The following IQGAP2 variants were observed in gnomAD, a reference collection of about 807,000 sequenced individuals.
The protein encoded by IQGAP2 is IQ motif containing GTPase activating protein 2.
Under a neutral mutation model 201.3 loss-of-function variants are expected in IQGAP2, and 173 were observed. The ratio of observed to expected loss-of-function variants is 0.86; its 90% CI spans 0.76 to 0.98. The LOEUF (loss-of-function observed/expected upper bound fraction) is 0.98. IQGAP2 is among the 50% of genes least tolerant of loss of function. IQGAP2 has a pLI of 0.00. For synonymous variants in IQGAP2, 675 were observed against 673.9 expected (o/e 1.00, Z -0.03); for missense variants, 1,687 against 1,864.8 (o/e 0.90, Z 1.76).
Position 76,678,650 on chromosome 5 carries a change from A to G in IQGAP2, c.3660+1300A>G, listed in dbSNP as rs73125594. On this transcript the variant is annotated intron_variant, in intron 28 of 35. Coordinates refer to ENST00000274364, the MANE Select transcript of IQGAP2 (RefSeq NM_006633.5). ...AAGATCCCAGAGGATTCAGATGCAC[A>G]TTCAAGTTCTAGATGCTTCAGTTAA... 6.0e-3 allele frequency among the ~76,000 whole-genome samples: 920 copies of G among 152,312 alleles called. 8 individuals carry two copies. The highest frequency in any genetic ancestry group is 0.02 in the African/African-American group (816 of 41,566).
chr5:76,673,290 G>A (rs1202811970), intron 24 of IQGAP2, among the ~76,000 whole-genome samples, 159 bp from the exon 25 acceptor site: 1 of 152,184 alleles, frequency 6.6e-6, no homozygotes, highest in African/African-American at 2.4e-5. Context: ...GGTACCCTCT[G>A]TGAAGGTGGA....
rs1272252530 is a variant in IQGAP2 at position 76,600,808 on chromosome 5, A to G, written c.1072-4A>G. On this transcript the variant is annotated splice_polypyrimidine_tract_variant and splice_region_variant and intron_variant, in intron 10 of 35. Coordinates refer to ENST00000274364, the MANE Select transcript of IQGAP2 (RefSeq NM_006633.5). ...AGCTTATGTTGCCATATGTTTTCCA[A>G]CAGAACTACTTGGCCCACGAGGAGC... 2.5e-6 allele frequency: 4 copies of G among 1,613,936 alleles called. No individual in the cohort carries two copies. The South Asian group carries it at 3.3e-5, about 13-fold the overall frequency.
At chr5:76,683,247 T>C (rs1227609808) in intron 29 of IQGAP2, 30 bp downstream of exon 29, 14 of 1,523,642 alleles carry the variant, frequency 9.2e-6, no homozygotes, top group South Asian at 2.3e-5. Context: ...ACTTATCCCT[T>C]GGTTTTTGTT....
At chr5:76,672,634 T>A (rs1485197317) in intron 24 of IQGAP2, among the ~76,000 whole-genome samples, 2 of 152,162 alleles carry the variant, frequency 1.3e-5, no homozygotes, top group African/African-American at 2.4e-5. Flanking sequence ...GGGTATATAT[T>A]CCAGTTGGAG....
At chr5:76,626,765 T>G (rs142865177) in intron 13 of IQGAP2, among the ~76,000 whole-genome samples, 2 of 152,230 alleles carry the variant, frequency 1.3e-5, no homozygotes, top group East Asian at 3.9e-4. Flanking sequence ...AATAATTGAT[T>G]GAGGGAGAGA....
At chr5:76,602,662 T>A (rs1294564784) in intron 11 of IQGAP2, among the ~76,000 whole-genome samples, 1 of 152,202 alleles carries the variant, frequency 6.6e-6, no homozygotes, top group Admixed American at 6.5e-5. Context: ...ACTTGGGTTC[T>A]TGTATTGACA....
intron 12 of IQGAP2, chr5:76,607,251 A>C (rs1468553582): frequency 6.6e-6 from 1 of 152,206 alleles, no homozygotes; most frequent in Non-Finnish European, 1.5e-5. Flanking sequence ...AAAACATATG[A>C]CTTTGTTAAT....
intron 1 of IQGAP2, among the ~76,000 whole-genome samples, chr5:76,413,448 C>A (rs193088974): frequency 1.3e-5 from 2 of 152,114 alleles, no homozygotes; most frequent in Non-Finnish European, 2.9e-5. Context: ...GGATAACAGG[C>A]GTGGGCCACC....
At chr5:76,455,302 A>T (rs887754432) in intron 1 of IQGAP2, among the ~76,000 whole-genome samples, 2 of 151,806 alleles carry the variant, frequency 1.3e-5, no homozygotes, top group African/African-American at 4.8e-5. Context: ...TACAAAAAAA[A>T]TTTAGCCTGG....
chr5:76,513,815 A>G (rs1299054256), intron 2 of IQGAP2, among the ~76,000 whole-genome samples: 1 of 152,172 alleles, frequency 6.6e-6, no homozygotes, highest in African/African-American at 2.4e-5. Flanking sequence ...AGAATGTGCA[A>G]CACCAACAGT....
At chr5:76,670,515 A>G (rs1744216476) in intron 23 of IQGAP2, among the ~76,000 whole-genome samples, 2 of 152,204 alleles carry the variant, frequency 1.3e-5, no homozygotes, top group South Asian at 4.1e-4. Context: ...CTCCGTCTCA[A>G]AAAATAAAAT....
chr5:76,551,572 A>C (rs891995016), intron 2 of IQGAP2, among the ~76,000 whole-genome samples: 4 of 152,126 alleles, frequency 2.6e-5, no homozygotes, highest in Non-Finnish European at 2.9e-5. Flanking sequence ...AACATTGAGC[A>C]CTGAGTGAGC....
chr5:76,478,984 C>T (rs1302612906), intron 2 of IQGAP2, among the ~76,000 whole-genome samples: 1 of 151,964 alleles, frequency 6.6e-6, no homozygotes, highest in South Asian at 2.1e-4. Context: ...TAGGCCTTTC[C>T]CTGCTCACAA....
intron 1 of IQGAP2, among the ~76,000 whole-genome samples, chr5:76,445,363 AT>A (rs1222909986): frequency 7.2e-5 from 11 of 152,182 alleles, no homozygotes; most frequent in Non-Finnish European, 1.5e-5. Context: ...TGTTGTGAAG[AT>A]TAAATGAGTT....
At chr5:76,524,518 G>A (rs1203257843) in intron 2 of IQGAP2, among the ~76,000 whole-genome samples, 1 of 152,206 alleles carries the variant, frequency 6.6e-6, no homozygotes, top group Non-Finnish European at 1.5e-5. Flanking sequence ...AGAAGGCAGT[G>A]TTGGCTGTTC....
intron 28 of IQGAP2, among the ~76,000 whole-genome samples, chr5:76,681,593 C>G (rs1343068785): frequency 6.6e-6 from 1 of 151,392 alleles, no homozygotes; most frequent in African/African-American, 2.4e-5. Context: ...AACCCTTGCA[C>G]CCCGTTGGTG....
At chr5:76,643,360 C>A (rs1450531906) in intron 17 of IQGAP2, among the ~76,000 whole-genome samples, 5 of 152,178 alleles carry the variant, frequency 3.3e-5, no homozygotes, top group African/African-American at 1.2e-4. Flanking sequence ...GAAAAATCCA[C>A]AAAAGATGAG....
chr5:76,706,545 G>A (rs965700937), intron 35 of IQGAP2, among the ~76,000 whole-genome samples: 41 of 151,668 alleles, frequency 2.7e-4, no homozygotes, highest in African/African-American at 9.5e-4. Context: ...ATGGGGTTTC[G>A]CCATGTTGGC....
chr5:76,566,976 G>A (rs1023209765), intron 3 of IQGAP2, among the ~76,000 whole-genome samples: 11 of 151,992 alleles, frequency 7.2e-5, no homozygotes, highest in Non-Finnish European at 1.5e-4. Context: ...ATGGACAGAA[G>A]GGCCTTCCTT....
Sources: allele counts gnomAD v4.1 joint callset (sites outside exome capture counted in the v4.1 genomes callset), GRCh38; gene constraint gnomAD v4.1.1; transcripts MANE v1.5; gene names NCBI Gene and HGNC (gene_info 2026-07-23, HGNC 2026-07-21).